The following COL4A4 variants were observed in gnomAD, a reference collection of about 807,000 sequenced individuals.
The protein encoded by COL4A4 is collagen alpha-4(IV) chain.
Under a neutral mutation model 192.9 loss-of-function variants are expected in COL4A4, and 105 were observed. The observed-to-expected ratio is 0.54, with a 90% CI of 0.46 to 0.64. The LOEUF (loss-of-function observed/expected upper bound fraction) is 0.64, where lower values mean the gene tolerates loss of function less well. Ranked by LOEUF, COL4A4 falls within the 30% of genes least tolerant of loss-of-function variation. COL4A4 has a pLI of 0.00. For synonymous variants in COL4A4, 762 were observed against 769.9 expected (o/e 0.99, Z 0.17); for missense variants, 1,967 against 2,169.3 (o/e 0.91, Z 1.85).
rs71036159 is a variant in COL4A4, at chr2:227,140,875, T to TCACACA, written c.115-643_115-638dup. Among the ~76,000 whole-genome samples the TCACACA allele has an allele frequency of 1.2e-3, 170 of 139,842 alleles. 2 individuals carry two copies. The highest frequency in any genetic ancestry group is 1.8e-3 in the South Asian group (7 of 3,972). 91.7% of individuals were successfully genotyped at this position (139,842 alleles called of 152,430 possible). A position where few individuals can be genotyped will look rare whatever the true frequency, so the allele number is the denominator to read the frequency against. ...ACTTTCCAACACTGTCTTTAGAGCA[T>TCACACA]CACACACACACACACACACACACAC... On this transcript the variant is annotated intron_variant, in intron 3 of 47. Coordinates refer to ENST00000396625, the MANE Select transcript of COL4A4 (RefSeq NM_000092.5).
At chr2:227,120,925 T>C in intron 5 of COL4A4, 89 bp downstream of exon 5, 1 of 1,540,466 alleles carries the variant, frequency 6.5e-7, no homozygotes, top group South Asian at 1.1e-5. Flanking sequence ...AGTGACAGAG[T>C]AAGACTGTCT....
At chr2:227,091,932 A>G (rs1022381525) in intron 20 of COL4A4, among the ~76,000 whole-genome samples, 4 of 150,478 alleles carry the variant, frequency 2.7e-5, no homozygotes, top group South Asian at 2.1e-4. Flanking sequence ...GAAAGAAAAG[A>G]AAAGAAAAGA....
intron 4 of COL4A4, among the ~76,000 whole-genome samples, chr2:227,136,414 A>T (rs1003221008): frequency 1.3e-5 from 2 of 152,192 alleles, no homozygotes; most frequent in Admixed American, 1.3e-4. Flanking sequence ...AAGTGGAAAT[A>T]TTCAGATTAT....
At chr2:227,013,190 G>A (rs377317677) in intron 44 of COL4A4, among the ~76,000 whole-genome samples, 13 of 152,266 alleles carry the variant, frequency 8.5e-5, no homozygotes, top group East Asian at 5.8e-4. Context: ...CTTTGAGGGA[G>A]TTTATTGCTA....
At chr2:227,162,714 T>C (rs1174539097) in intron 1 of COL4A4, among the ~76,000 whole-genome samples, 1 of 152,236 alleles carries the variant, frequency 6.6e-6, no homozygotes, top group Non-Finnish European at 1.5e-5. Context: ...ACAGGAGCTC[T>C]CATACTTGAT....
At chr2:227,030,344 G>T in intron 41 of COL4A4, 99 bp downstream of exon 41, 3 of 1,335,590 alleles carry the variant, frequency 2.2e-6, no homozygotes, top group Admixed American at 1.7e-5. Context: ...TAGTCACTTT[G>T]TTTGCATAGG....
At chr2:227,057,645 T>C (rs752793418) in intron 28 of COL4A4, 45 bp from the exon 29 acceptor site, 3 of 1,590,372 alleles carry the variant, frequency 1.9e-6, no homozygotes, top group African/African-American at 2.7e-5. Context: ...CAAAAAACTA[T>C]ACAGATGGCC....
chr2:227,042,344 T>C (rs1242976158), intron 36 of COL4A4, 89 bp from the exon 37 acceptor site: 2 of 761,854 alleles, frequency 2.6e-6, no homozygotes, highest in East Asian at 5.2e-5. Context: ...AATATATGGG[T>C]AACGGAGAAC....
At chr2:226,989,782 A>G in the COL4A4 span, among the ~76,000 whole-genome samples, 1 of 152,194 alleles carries the variant, frequency 6.6e-6, no homozygotes, top group African/African-American at 2.4e-5. Flanking sequence ...AAATTAACCA[A>G]CTGGAGGGGA....
the COL4A4 span, among the ~76,000 whole-genome samples, chr2:226,970,675 T>C: frequency 6.6e-6 from 1 of 152,258 alleles, no homozygotes; most frequent in Non-Finnish European, 1.5e-5. Context: ...TTACTTTTCA[T>C]CTCTGCCAGC....
intron 25 of COL4A4, among the ~76,000 whole-genome samples, chr2:227,070,866 AAAGTAT>A (rs1010540536): frequency 1.4e-5 from 2 of 146,544 alleles, no homozygotes; most frequent in African/African-American, 5.3e-5. Context: ...CCTAAAACTT[AAAGTAT>A]AATAATAAAT....
intron 17 of COL4A4, among the ~76,000 whole-genome samples, chr2:227,101,245 C>T (rs2060505349): frequency 6.6e-6 from 1 of 152,170 alleles, no homozygotes; most frequent in Non-Finnish European, 1.5e-5. Context: ...TGCCTTCTGC[C>T]ATGATTGTGA....
At position 227,041,868 on chromosome 2, in the gene COL4A4, A is replaced by AG. The variant is rs1559478788; in HGVS notation, c.3505+279_3505+280insC. On this transcript the variant is annotated intron_variant, in intron 37 of 47. Transcript: ENST00000396625. Reference sequence around the variant, plus strand: ...AGAAAGAGAAAGAAAGAAAGAAAGAAAGAAAGAAAGAAAGAAAGAAAGAAA... The same window carrying AG: ...AGAAAGAGAAAGAAAGAAAGAAAGAAGAGAAAGAAAGAAAGAAAGAAAGAAA... 2.3e-4 allele frequency among the ~76,000 whole-genome samples: 28 copies of AG among 120,806 alleles called. 1 individual carries two copies. Among genetic ancestry groups the AG allele is most frequent in the African/African-American group, 9.0e-4 (27 of 30,004 alleles). The allele number at this position is 120,806 out of a possible 152,430, so 79.3% of individuals were successfully genotyped here.
intron 13 of COL4A4, 36 bp downstream of exon 13, chr2:227,103,936 C>T (rs766573537): frequency 1.3e-6 from 2 of 1,520,188 alleles, no homozygotes; most frequent in East Asian, 4.5e-5. Context: ...TTTTCTACTG[C>T]TACTTTCCAA....
At chr2:227,022,705 A>G (rs1282477779) in intron 43 of COL4A4, among the ~76,000 whole-genome samples, 1 of 152,174 alleles carries the variant, frequency 6.6e-6, no homozygotes. Context: ...TTGAGTGAAC[A>G]TTGGACTTAT....
In COL4A4 at chr2:227,139,359, C is replaced by G. The variant is rs539626310; in HGVS notation, c.192+802G>C. Reference sequence around the variant, plus strand: ...TTGTCCCAAACTTCTATACCACACTCCTTTCTTGTGAGATTGTGGGAGTAA... The same window carrying G: ...TTGTCCCAAACTTCTATACCACACTGCTTTCTTGTGAGATTGTGGGAGTAA... On this transcript the variant is annotated intron_variant, in intron 4 of 47. Transcript: ENST00000396625. Among the ~76,000 whole-genome samples, 402 of 152,310 alleles carry G rather than the reference C, an allele frequency of 2.6e-3. 4 individuals are homozygous for G. Among genetic ancestry groups the G allele is most frequent in the African/African-American group, 9.1e-3 (380 of 41,560 alleles).
At chr2:227,026,024 G>A (rs748394326) in intron 42 of COL4A4, among the ~76,000 whole-genome samples, 27 of 151,920 alleles carry the variant, frequency 1.8e-4, no homozygotes, top group Admixed American at 3.3e-4. Flanking sequence ...ATTTAGTAAC[G>A]GAGTTTTCAT....
intron 35 of COL4A4, among the ~76,000 whole-genome samples, chr2:227,044,353 A>T (rs1467148624): frequency 6.6e-6 from 1 of 152,220 alleles, no homozygotes; most frequent in Non-Finnish European, 1.5e-5. Context: ...ATGCACGTTT[A>T]TGGGATAAAC....
At chr2:227,017,767 G>A (rs1411716194) in intron 44 of COL4A4, among the ~76,000 whole-genome samples, 1 of 152,096 alleles carries the variant, frequency 6.6e-6, no homozygotes, top group African/African-American at 2.4e-5. Context: ...TACAAAATCA[G>A]CTTAGCAATG....
Sources: gnomAD v4.1 joint callset for allele counts (sites outside exome capture counted in the v4.1 genomes callset) on GRCh38, gnomAD v4.1.1 for gene constraint, MANE v1.5 for transcripts, NCBI Gene and HGNC (gene_info 2026-07-23, HGNC 2026-07-21) for gene names.